The following ABCC9 variants were observed in gnomAD, a reference collection of about 807,000 sequenced individuals.
The protein encoded by ABCC9 is ATP binding cassette subfamily C member 9.
Under a neutral mutation model 188.3 loss-of-function variants are expected in ABCC9, and 95 were observed. The ratio of observed to expected loss-of-function variants is 0.50; its 90% CI spans 0.43 to 0.60. The LOEUF (loss-of-function observed/expected upper bound fraction) is 0.60. ABCC9 is among the 20% of genes least tolerant of loss of function. The pLI is 0.00. For missense variants in ABCC9, 1,102 were observed against 1,876.3 expected, an observed-to-expected ratio of 0.59 and a Z score of 7.62; for synonymous variants, 659 against 652.7, an observed-to-expected ratio of 1.01 and a Z score of -0.15.
chr12:21,884,897 C>A (rs186209906), intron 15 of ABCC9, among the ~76,000 whole-genome samples: 1 of 152,264 alleles, frequency 6.6e-6, no homozygotes, highest in Admixed American at 6.5e-5. Flanking sequence ...AGCCACTATC[C>A]TTTAGGCTAA....
At chr12:21,845,931 A>G in intron 25 of ABCC9, 99 bp from the exon 26 acceptor site, 1 of 932,470 alleles carries the variant, frequency 1.1e-6, no homozygotes, top group Non-Finnish European at 1.7e-6. Flanking sequence ...TACATTTATA[A>G]AAATGTAAGC....
At chr12:21,931,677 A>C (rs1434677835) in intron 4 of ABCC9, among the ~76,000 whole-genome samples, 1 of 152,180 alleles carries the variant, frequency 6.6e-6, no homozygotes, top group Non-Finnish European at 1.5e-5. Context: ...CAAGTTTCAA[A>C]AAAATATTGG....
rs778743815 is a variant in ABCC9, at chr12:21,844,923, G to C, written c.3097-8C>G. On this transcript the variant is annotated splice_polypyrimidine_tract_variant and splice_region_variant and intron_variant, in intron 26 of 39. Coordinates refer to ENST00000261200, the MANE Select transcript of ABCC9 (RefSeq NM_020297.4). ...GCCAGCCACATAGTAGGTCTAAAAA[G>C]CAACCAACACAAAAAGCACATAGGA... 1 of 1,613,378 alleles carries C rather than the reference G, an allele frequency of 6.2e-7. No individual in the cohort carries two copies. The highest frequency in any genetic ancestry group is 8.5e-7 in the Non-Finnish European group (1 of 1,179,620).
chr12:21,929,340 A>G (rs1201629432), intron 4 of ABCC9, among the ~76,000 whole-genome samples: 2 of 152,068 alleles, frequency 1.3e-5, no homozygotes, highest in Non-Finnish European at 2.9e-5. Flanking sequence ...CAAAAGAGCA[A>G]ACTAAAAAGG....
At chr12:21,824,483 CAT>C (rs1565704122) in intron 31 of ABCC9, among the ~76,000 whole-genome samples, 2 of 152,120 alleles carry the variant, frequency 1.3e-5, no homozygotes, top group Non-Finnish European at 2.9e-5. Context: ...TAGGTTTTGG[CAT>C]CAGGATGATG....
intron 22 of ABCC9, among the ~76,000 whole-genome samples, chr12:21,858,528 G>A (rs1398482830): frequency 6.6e-6 from 1 of 151,484 alleles, no homozygotes; most frequent in Non-Finnish European, 1.5e-5. Flanking sequence ...GCAGTGAGCT[G>A]AGATGGTGCC....
chr12:21,829,351 G>C (rs556185193), intron 30 of ABCC9, among the ~76,000 whole-genome samples: 2 of 151,826 alleles, frequency 1.3e-5, no homozygotes, highest in South Asian at 4.2e-4. Context: ...ACAGGCACCC[G>C]CCACCATGCC....
intron 31 of ABCC9, among the ~76,000 whole-genome samples, chr12:21,820,331 C>A (rs1942965005): frequency 6.6e-6 from 1 of 151,954 alleles, no homozygotes; most frequent in African/African-American, 2.4e-5. Context: ...GTACTTCTTT[C>A]ATTAACTTCT....
intron 8 of ABCC9, among the ~76,000 whole-genome samples, chr12:21,912,025 TGCCAACA>T (rs1948349521): frequency 6.6e-6 from 1 of 151,964 alleles, no homozygotes; most frequent in African/African-American, 2.4e-5. Context: ...CTTCAGTAAG[TGCCAACA>T]TAAAGTAAAG....
At position 21,798,375 on chromosome 12, in the gene ABCC9, T is replaced by G. The variant is rs2137069629; in HGVS notation, c.*2669A>C. ...CCATTCTAACTGGTGTGAGATGATA[T>G]CTCATAGTGGTTTTGATTTGCATTT... On this transcript the variant is annotated 3_prime_UTR_variant, in exon 40 of 40. Transcript: ENST00000261200. 6.6e-6 allele frequency: 1 copy of G among 151,184 alleles called. No homozygotes were observed. Among genetic ancestry groups the G allele is most frequent in the East Asian group, 1.9e-4 (1 of 5,174 alleles). The allele number at this position is 151,184 out of a possible 1,614,324, so 9.4% of individuals were successfully genotyped here. A position where few individuals can be genotyped will look rare whatever the true frequency, so the allele number is the denominator to read the frequency against.
chr12:21,893,537 C>G (rs1490054810), intron 14 of ABCC9, among the ~76,000 whole-genome samples: 1 of 152,248 alleles, frequency 6.6e-6, no homozygotes, highest in Non-Finnish European at 1.5e-5. Context: ...ACATATTCAT[C>G]AAGGACCTCA....
intron 18 of ABCC9, among the ~76,000 whole-genome samples, chr12:21,868,601 T>A (rs1945903740): frequency 6.6e-6 from 1 of 152,128 alleles, no homozygotes; most frequent in Non-Finnish European, 1.5e-5. Context: ...ATCATGCCAC[T>A]GCACTCCAGC....
chr12:21,832,913 A>G (rs1012857640), intron 30 of ABCC9, among the ~76,000 whole-genome samples: 8 of 152,238 alleles, frequency 5.3e-5, no homozygotes, highest in African/African-American at 1.9e-4. Context: ...AAAATGTGGT[A>G]TATATACATC....
intron 5 of ABCC9, chr12:21,923,551 C>G (rs1309323301): frequency 5.9e-6 from 2 of 339,668 alleles, no homozygotes; most frequent in South Asian, 8.1e-5. Context: ...AATTAGCAAT[C>G]AGATAAATGC....
chr12:21,905,969 C>T (rs984464482), intron 12 of ABCC9, among the ~76,000 whole-genome samples, 157 bp downstream of exon 12: 4 of 152,044 alleles, frequency 2.6e-5, no homozygotes, highest in African/African-American at 9.7e-5. Flanking sequence ...TAGATAGCCT[C>T]GTGTGGCTGG....
intron 31 of ABCC9, among the ~76,000 whole-genome samples, chr12:21,825,088 A>G (rs999973402): frequency 6.6e-6 from 1 of 152,218 alleles, no homozygotes; most frequent in African/African-American, 2.4e-5. Context: ...CAAAACCACA[A>G]TGAGATACCA....
Position 21,895,296 on chromosome 12 carries a change from A to T in ABCC9, c.1638T>A (p.Ile546=), listed in dbSNP as rs370463895. ...TTACAGCAAGAACAGCTGCTATGGGAATTGCTGCATTCATGAAGACTGTGG... is the reference window on the plus strand; with the variant it reads ...TTACAGCAAGAACAGCTGCTATGGGTATTGCTGCATTCATGAAGACTGTGG... The part of the protein sequence containing the change: ...TSLSIFMNAA[I]PIAAVLATFV... The change falls in exon 13 of 40, where the codon ATT becomes ATA. Residue 546 remains isoleucine (I), a synonymous_variant. Transcript: ENST00000261200. 3 of 1,613,658 alleles carry T rather than the reference A, an allele frequency of 1.9e-6. No individual in the cohort carries two copies. In the African/African-American group the frequency reaches 4.0e-5, roughly 22 times the overall value.
intron 31 of ABCC9, among the ~76,000 whole-genome samples, chr12:21,827,928 T>A (rs1397405987): frequency 1.3e-5 from 2 of 152,230 alleles, no homozygotes; most frequent in Non-Finnish European, 1.5e-5. Context: ...TTAATCTGTA[T>A]CCATCAATCA....
At chr12:21,860,779 C>A (rs1485640541) in intron 21 of ABCC9, among the ~76,000 whole-genome samples, 192 bp downstream of exon 21, 1 of 152,116 alleles carries the variant, frequency 6.6e-6, no homozygotes, top group East Asian at 1.9e-4. Flanking sequence ...ACAGTGATTA[C>A]TCAATAAATA....
Sources: allele counts gnomAD v4.1 joint callset (sites outside exome capture counted in the v4.1 genomes callset), GRCh38; gene constraint gnomAD v4.1.1; transcripts MANE v1.5; gene names NCBI Gene and HGNC (gene_info 2026-07-23, HGNC 2026-07-21).